The following GALNT5 variants were observed in gnomAD, a reference collection of about 807,000 sequenced individuals.
GALNT5 encodes UDP-GalNAc:polypeptide N-acetylgalactosaminyltransferase 5.
Under a neutral mutation model 85.4 loss-of-function variants are expected in GALNT5, and 72 were observed. The ratio of observed to expected loss-of-function variants is 0.84; its 90% CI spans 0.70 to 1.03. The LOEUF (loss-of-function observed/expected upper bound fraction) is 1.03. GALNT5 is among the 50% of genes least tolerant of loss of function. GALNT5 has a pLI of 0.00. For missense variants in GALNT5, 1,137 were observed against 1,135.5 expected, an observed-to-expected ratio of 1.00 and a Z score of -0.02; for synonymous variants, 404 against 397.0, an observed-to-expected ratio of 1.02 and a Z score of -0.21.
chr2:157,295,242 T>C (rs1683189448), intron 3 of GALNT5, among the ~76,000 whole-genome samples: 3 of 152,164 alleles, frequency 2.0e-5, no homozygotes. Flanking sequence ...CCCTATTGTG[T>C]GAAGTAATTT....
At chr2:157,265,356 C>A (rs563102779) in intron 1 of GALNT5, among the ~76,000 whole-genome samples, 1 of 152,232 alleles carries the variant, frequency 6.6e-6, no homozygotes, top group Admixed American at 6.5e-5. Context: ...ACAAAGACAA[C>A]AAAGATTAGA....
At chr2:157,281,166 C>A (rs538029724) in intron 1 of GALNT5, among the ~76,000 whole-genome samples, 11 of 152,294 alleles carry the variant, frequency 7.2e-5, no homozygotes, top group African/African-American at 2.6e-4. Flanking sequence ...AGGGTTCAAG[C>A]GATTCTCCCT....
intron 2 of GALNT5, 32 bp from the exon 3 acceptor site, chr2:157,285,983 G>C: frequency 6.5e-7 from 1 of 1,547,892 alleles, no homozygotes. Context: ...CTTAATTCAA[G>C]TATTTCCTGG....
intron 3 of GALNT5, among the ~76,000 whole-genome samples, chr2:157,292,365 C>T (rs73022682): frequency 5.1e-4 from 78 of 152,310 alleles, no homozygotes; most frequent in African/African-American, 1.8e-3. Context: ...GTCCTAGGAT[C>T]TTATTTTAAA....
chr2:157,258,280 T>G lies in GALNT5; in HGVS notation c.198T>G (p.Ile66Met). ...GFRVQPDQGK[I>M]FYSSIKEMKP... ...GAGTTCAGCCAGACCAAGGAAAAAT[T>G]TTTTACAGCAGCATAAAAGAGATGA... The change falls in exon 1 of 10, where the codon ATT (isoleucine) becomes ATG (methionine). Residue 66 changes from isoleucine (I) to methionine (M), a missense_variant. By Grantham distance (10) the Ile-to-Met change is conservative (BLOSUM62 1). Transcript: ENST00000259056. 2 of 1,601,508 alleles carry G rather than the reference T, an allele frequency of 1.2e-6. No homozygotes were observed. The highest frequency in any genetic ancestry group is 1.7e-6 in the Non-Finnish European group (2 of 1,175,436).
At chr2:157,304,347 C>T (rs1054256994) in intron 7 of GALNT5, among the ~76,000 whole-genome samples, 1 of 152,176 alleles carries the variant, frequency 6.6e-6, no homozygotes, top group East Asian at 1.9e-4. Context: ...TCCATAGTTG[C>T]TTTGTTTCTG....
intron 1 of GALNT5, among the ~76,000 whole-genome samples, chr2:157,267,559 G>GA (rs1192704168): frequency 2.0e-5 from 3 of 152,164 alleles, no homozygotes; most frequent in African/African-American, 7.2e-5. Context: ...TACACAGCAG[G>GA]AAAGACAGAA....
intron 1 of GALNT5, among the ~76,000 whole-genome samples, chr2:157,259,852 T>C (rs1318628772): frequency 6.6e-6 from 1 of 152,214 alleles, no homozygotes; most frequent in Non-Finnish European, 1.5e-5. Context: ...TGGTAGAGCT[T>C]AAAGTGTAAT....
rs753110832 is a variant in GALNT5, at chr2:157,311,366, TA to T, written c.*19del. On this transcript the variant is annotated 3_prime_UTR_variant, in exon 10 of 10. Transcript: ENST00000259056. ...AAGCCTGAAGTGTAACTGATGTTTTTATATAGTAAACCCATTAAATACTGTG... is the reference window on the plus strand; with the variant it reads ...AAGCCTGAAGTGTAACTGATGTTTTTTATAGTAAACCCATTAAATACTGTG... 9.8e-6 allele frequency: 15 copies of T among 1,536,518 alleles called. No individual in the cohort carries two copies. The East Asian group carries it at 3.0e-4, about 30-fold the overall frequency.
intron 1 of GALNT5, among the ~76,000 whole-genome samples, chr2:157,265,136 T>C (rs1385888251): frequency 1.3e-5 from 2 of 152,230 alleles, no homozygotes; most frequent in African/African-American, 4.8e-5. Flanking sequence ...TGCACGTGCA[T>C]GCATTTGTGA....
intron 1 of GALNT5, among the ~76,000 whole-genome samples, chr2:157,280,483 A>C (rs957186100): frequency 6.6e-6 from 1 of 152,370 alleles, no homozygotes; most frequent in African/African-American, 2.4e-5. Flanking sequence ...GGAGGGACTG[A>C]GGTCCTACTG....
In GALNT5 at chr2:157,295,780, T is replaced by C; in HGVS notation, c.1859T>C (p.Ile620Thr). ...KKVACPVIEV[I>T]NDKDMSYMTV... Reference sequence around the variant, plus strand: ...GTGGCCTGTCCAGTAATCGAAGTCATCAATGATAAGGATATGAGGTAATAT... The same window carrying C: ...GTGGCCTGTCCAGTAATCGAAGTCACCAATGATAAGGATATGAGGTAATAT... The change falls in exon 4 of 10, where the codon ATC (isoleucine) becomes ACC (threonine). Residue 620 changes from isoleucine (I) to threonine (T), a missense_variant. Physicochemically the swap from Ile to Thr is moderately conservative, Grantham distance 89. Coordinates refer to ENST00000259056, the MANE Select transcript of GALNT5 (RefSeq NM_014568.3). The C allele has an allele frequency of 3.7e-6, 6 of 1,606,772 alleles. No homozygotes were observed. Among genetic ancestry groups the C allele is most frequent in the Non-Finnish European group, 5.1e-6 (6 of 1,173,772 alleles).
intron 1 of GALNT5, among the ~76,000 whole-genome samples, chr2:157,260,528 G>T (rs566536744): frequency 1.3e-5 from 2 of 152,142 alleles, no homozygotes; most frequent in Non-Finnish European, 2.9e-5. Flanking sequence ...CTCAACAGCC[G>T]TATGTTCAAT....
Position 157,312,997 on chromosome 2 carries a change from ATAAC to A in GALNT5, c.*1653_*1656del, listed in dbSNP as rs764552835. 4.1e-4 allele frequency: 62 copies of A among 152,318 alleles called. No individual in the cohort carries two copies. The highest frequency in any genetic ancestry group is 6.8e-4 in the Non-Finnish European group (46 of 68,004). The allele number at this position is 152,318 out of a possible 1,614,324, so 9.4% of individuals were successfully genotyped here. A position where few individuals can be genotyped will look rare whatever the true frequency, so the allele number is the denominator to read the frequency against. ...CAATGAGTTACGTAAAAGCAAAACT[ATAAC>A]TAAGAATGGGAAAAAGAACTATTTC... On this transcript the variant is annotated 3_prime_UTR_variant, in exon 10 of 10. Coordinates refer to ENST00000259056, the MANE Select transcript of GALNT5 (RefSeq NM_014568.3).
intron 1 of GALNT5, among the ~76,000 whole-genome samples, chr2:157,280,766 C>T (rs1295241427): frequency 6.6e-6 from 1 of 152,132 alleles, no homozygotes; most frequent in Non-Finnish European, 1.5e-5. Flanking sequence ...ATCACGGAGG[C>T]AGATCTATAA....
chr2:157,276,557 G>T (rs1574017984), intron 1 of GALNT5, among the ~76,000 whole-genome samples: 1 of 152,138 alleles, frequency 6.6e-6, no homozygotes. Context: ...TCTTGGGAGG[G>T]TATATGTGTC....
chr2:157,258,628 CA>C lies in GALNT5; in HGVS notation c.550del (p.Ile184TyrfsTer10), dbSNP rs1682256844. On this transcript the variant is annotated frameshift_variant, in exon 1 of 10. Coordinates refer to ENST00000259056, the MANE Select transcript of GALNT5 (RefSeq NM_014568.3). LOFTEE classifies it high-confidence loss of function. The stretch of plus-strand genomic sequence containing the variant: ...TAGCAGCAAAAGGAACTCAGGTAGT[CA>C]AAATATCAGTACACATGGGACGTGT... ...FIAAKGTQVV[K>X]ISVHMGRVSL... The C allele has an allele frequency of 6.2e-7, 1 of 1,613,546 alleles. No individual in the cohort carries two copies. Among genetic ancestry groups the C allele is most frequent in the Non-Finnish European group, 8.5e-7 (1 of 1,179,902 alleles).
In GALNT5 at chr2:157,286,122, C is replaced by G; in HGVS notation, c.1729C>G (p.Gln577Glu). 6.2e-7 allele frequency: 1 copy of G among 1,613,074 alleles called. No individual in the cohort carries two copies. The highest frequency in any genetic ancestry group is 2.2e-5 in the East Asian group (1 of 44,836). Residue 577 changes from glutamine (Q) to glutamate (E), a missense_variant, in exon 3 of 10, where the codon CAG becomes GAG. By Grantham distance (29) the Gln-to-Glu change is conservative (BLOSUM62 2). Transcript: ENST00000259056. ...GLIRARLAGA[Q>E]NATGDVLTFL... is the part of the protein sequence containing the mutation. Reference sequence around the variant, plus strand: ...AATAAGGGCCAGGCTGGCAGGAGCACAGAATGCAACAGGTAAGAAGTTACT... The same window carrying G: ...AATAAGGGCCAGGCTGGCAGGAGCAGAGAATGCAACAGGTAAGAAGTTACT...
intron 7 of GALNT5, among the ~76,000 whole-genome samples, chr2:157,303,023 G>C (rs1350900981): frequency 6.6e-6 from 1 of 152,146 alleles, no homozygotes; most frequent in African/African-American, 2.4e-5. Context: ...AAAGTTCCAA[G>C]AAAATAAACT....
Sources: allele counts gnomAD v4.1 joint callset (sites outside exome capture counted in the v4.1 genomes callset), GRCh38; gene constraint gnomAD v4.1.1; transcripts MANE v1.5; gene names NCBI Gene and HGNC (gene_info 2026-07-23, HGNC 2026-07-21).